The following SART3 variants were observed in gnomAD, a reference collection of about 807,000 sequenced individuals.
SART3 encodes the protein spliceosome associated factor 3, U4/U6 recycling protein.
A neutral mutation model predicts 122.3 loss-of-function variants in SART3; 44 were observed. The ratio of observed to expected loss-of-function variants is 0.36; its 90% CI spans 0.28 to 0.46. The LOEUF (loss-of-function observed/expected upper bound fraction) is 0.46, where lower values mean the gene tolerates loss of function less well. SART3 is among the 20% of genes least tolerant of loss of function. The pLI, the probability that SART3 is intolerant of heterozygous loss-of-function variation, is 1.00. For missense variants in SART3, 1,101 were observed against 1,229.0 expected, an observed-to-expected ratio of 0.90 and a Z score of 1.56; for synonymous variants, 442 against 454.0, an observed-to-expected ratio of 0.97 and a Z score of 0.34.
rs145782979 is a variant in SART3 at position 108,543,617 on chromosome 12, G to A, written c.782-465C>T. On this transcript the variant is annotated intron_variant, in intron 5 of 18. Transcript: ENST00000546815. ...TAATCATTATGCTAGGTTGTTTCAC[G>A]CTGGTAGGTGAAATCTGCAAGCCGG... is the stretch of plus-strand genomic sequence containing the variant. 5.4e-3 allele frequency among the ~76,000 whole-genome samples: 824 copies of A among 152,320 alleles called. 26 individuals are homozygous for A. The highest frequency in any genetic ancestry group is 0.039 in the Admixed American group (597 of 15,306).
At chr12:108,531,012 TA>T (rs1872658268) in intron 14 of SART3, among the ~76,000 whole-genome samples, 191 bp downstream of exon 14, 1 of 152,212 alleles carries the variant, frequency 6.6e-6, no homozygotes, top group Non-Finnish European at 1.5e-5. Context: ...AAGTACTTAA[TA>T]TTGGGGCTGA....
At position 108,523,103 on chromosome 12, in the gene SART3, A is replaced by G; in HGVS notation, c.*354T>C. 1 of 368,638 alleles carries G rather than the reference A, an allele frequency of 2.7e-6. No homozygotes were observed. The highest frequency in any genetic ancestry group is 5.1e-6 in the Non-Finnish European group (1 of 196,264). 22.8% of individuals were successfully genotyped at this position (368,638 alleles called of 1,614,324 possible). ...CTGTGCAGGGTGGAAGAGAAGTGTCATACAAAAAGGGGCCGGAGCTGGCCA... is the reference window on the plus strand; with the variant it reads ...CTGTGCAGGGTGGAAGAGAAGTGTCGTACAAAAAGGGGCCGGAGCTGGCCA... On this transcript the variant is annotated 3_prime_UTR_variant, in exon 19 of 19. Transcript: ENST00000546815.
Position 108,541,340 on chromosome 12 carries a change from G to A in SART3, c.906+1688C>T, listed in dbSNP as rs78160251. Among the ~76,000 whole-genome samples, 749 of 152,040 alleles carry A rather than the reference G, an allele frequency of 4.9e-3. 8 individuals are homozygous for A. Among genetic ancestry groups the A allele is most frequent in the African/African-American group, 0.016 (668 of 41,484 alleles). On this transcript the variant is annotated intron_variant, in intron 6 of 18. Transcript: ENST00000546815. ...GAGAATCGCTTGAACCTGGCGGGGC[G>A]GAAGTTGCAGTGAGCCGAGATCACG...
chr12:108,536,620 A>C, intron 10 of SART3, 48 bp from the exon 11 acceptor site: 1 of 1,610,702 alleles, frequency 6.2e-7, no homozygotes, highest in Non-Finnish European at 8.5e-7. Context: ...GGAGACAGAT[A>C]GTCGCTGGCT....
intron 14 of SART3, 52 bp from the exon 15 acceptor site, chr12:108,530,362 G>A: frequency 6.3e-7 from 1 of 1,589,576 alleles, no homozygotes; most frequent in Non-Finnish European, 8.6e-7. Flanking sequence ...TACATTCACT[G>A]TACTGATTTG....
chr12:108,552,825 A>T (rs1422234723), intron 1 of SART3, among the ~76,000 whole-genome samples: 2 of 152,160 alleles, frequency 1.3e-5, no homozygotes, highest in African/African-American at 4.8e-5. Context: ...TTTTTTGTAG[A>T]CCTAGACAAG....
intron 15 of SART3, among the ~76,000 whole-genome samples, chr12:108,529,621 G>A (rs532691676): frequency 3.3e-5 from 5 of 152,190 alleles, no homozygotes; most frequent in Admixed American, 6.5e-5. Flanking sequence ...CACCAGTGAT[G>A]GAACAAAGCG....
intron 12 of SART3, among the ~76,000 whole-genome samples, chr12:108,534,585 CAGA>C (rs1565860355): frequency 6.6e-6 from 1 of 151,880 alleles, no homozygotes; most frequent in Non-Finnish European, 1.5e-5. Context: ...GAGGCTGAGG[CAGA>C]AGAATTGCTC....
At position 108,532,298 on chromosome 12, in the gene SART3, C is replaced by T. The variant is rs756151990; in HGVS notation, c.1593G>A (p.Leu531=). 1 of 1,614,114 alleles carries T rather than the reference C, an allele frequency of 6.2e-7. No individual in the cohort carries two copies. Among genetic ancestry groups the T allele is most frequent in the Non-Finnish European group, 8.5e-7 (1 of 1,180,004 alleles). The change falls in exon 13 of 19, where the codon CTG becomes CTA. Residue 531 remains leucine (L), a synonymous_variant. Transcript: ENST00000546815. ...HGDTQHCRKA[L]HRAVQCTSDY... is the part of the protein sequence containing the mutation. Reference sequence around the variant, plus strand: ...CACTGGTGCACTGGACGGCCCGGTGCAGAGCCTTCCGGCAGTGCTGGGTGT... The same window carrying T: ...CACTGGTGCACTGGACGGCCCGGTGTAGAGCCTTCCGGCAGTGCTGGGTGT...
rs143949023 is a variant in SART3, at chr12:108,531,979, C to G, written c.1669+243G>C. 48 of 491,390 alleles carry G rather than the reference C, an allele frequency of 9.8e-5. No individual in the cohort carries two copies. The Middle Eastern group carries it at 3.6e-3, about 36-fold the overall frequency. The allele number at this position is 491,390 out of a possible 1,614,324, so 30.4% of individuals were successfully genotyped here. A position where few individuals can be genotyped will look rare whatever the true frequency, so the allele number is the denominator to read the frequency against. On this transcript the variant is annotated intron_variant, in intron 13 of 18. Coordinates refer to ENST00000546815, the MANE Select transcript of SART3 (RefSeq NM_014706.4). ...TAAACATTGTATAACGCACAGTCCC[C>G]CCCACAGAGAATTAGAACCCTGTGC...
intron 12 of SART3, among the ~76,000 whole-genome samples, chr12:108,532,803 G>A (rs1051198448): frequency 4.0e-5 from 6 of 151,844 alleles, no homozygotes; most frequent in South Asian, 2.1e-4. Flanking sequence ...ACCCAGGTGG[G>A]AGTGCAATAG....
chr12:108,541,059 T>C (rs1873135288), intron 6 of SART3, among the ~76,000 whole-genome samples: 1 of 152,176 alleles, frequency 6.6e-6, no homozygotes, highest in African/African-American at 2.4e-5. Flanking sequence ...AGGGAAAGAA[T>C]TTTAATCTAA....
chr12:108,530,165 T>C lies in SART3; in HGVS notation c.1892A>G (p.Lys631Arg). The change falls in exon 15 of 19, where the codon AAA (lysine) becomes AGA (arginine). Residue 631 changes from lysine (K) to arginine (R), a missense_variant. This residue lies in a region of SART3 where 885 missense variants were observed against 1,080.1 expected (regional missense o/e 0.82). Coordinates refer to ENST00000546815, the MANE Select transcript of SART3 (RefSeq NM_014706.4). ...EKRGADEDDE[K>R]EWGDDEEEQP... ...ACCTTCTTCATCATCGCCCCACTCT[T>C]TCTCATCATCCTCATCTGCTCCGCG... 3.1e-6 allele frequency: 5 copies of C among 1,614,198 alleles called. No individual in the cohort carries two copies. Among genetic ancestry groups the C allele is most frequent in the Non-Finnish European group, 4.2e-6 (5 of 1,180,026 alleles).
At chr12:108,526,705 C>A (rs1872403352) in intron 15 of SART3, 152 bp from the exon 16 acceptor site, 2 of 829,468 alleles carry the variant, frequency 2.4e-6, no homozygotes, top group Non-Finnish European at 4.0e-6. Flanking sequence ...CCCGAGAAGT[C>A]TTTTGTGATC....
At chr12:108,541,729 G>C (rs886888283) in intron 6 of SART3, among the ~76,000 whole-genome samples, 1 of 151,896 alleles carries the variant, frequency 6.6e-6, no homozygotes, top group Admixed American at 6.6e-5. Context: ...TAGTAGAGAC[G>C]GGGTTTCACT....
intron 5 of SART3, 39 bp from the exon 6 acceptor site, chr12:108,543,191 T>TG (rs1310243557): frequency 6.2e-7 from 1 of 1,611,530 alleles, no homozygotes; most frequent in African/African-American, 1.3e-5. Context: ...GTCTTGCCAT[T>TG]GGGCTTTATC....
chr12:108,560,426 T>G (rs2030458560), intron 1 of SART3: 1 of 290,252 alleles, frequency 3.4e-6, no homozygotes, highest in African/African-American at 2.2e-5. Flanking sequence ...AGTTTCATCA[T>G]CGCCGTCATT....
chr12:108,558,598 A>G (rs1175708654), intron 1 of SART3, among the ~76,000 whole-genome samples: 1 of 152,210 alleles, frequency 6.6e-6, no homozygotes, highest in Admixed American at 6.5e-5. Context: ...CCCACCTCAC[A>G]GAATAGGCTC....
chr12:108,556,580 G>C (rs1458698032), intron 1 of SART3, among the ~76,000 whole-genome samples: 1 of 152,182 alleles, frequency 6.6e-6, no homozygotes, highest in Non-Finnish European at 1.5e-5. Flanking sequence ...CACACGATAG[G>C]CTGAAAAGCA....
Sources: allele counts gnomAD v4.1 joint callset (sites outside exome capture counted in the v4.1 genomes callset), GRCh38; gene constraint gnomAD v4.1.1; regional missense constraint gnomAD v4.1.1; transcripts MANE v1.5; gene names NCBI Gene and HGNC (gene_info 2026-07-23, HGNC 2026-07-21).